Variants in CLEC4M observed in about 807,000 individuals in gnomAD.
CLEC4M encodes the protein C-type lectin domain family 4 member M, also known as CD209 antigen-like protein 1.
In CLEC4M, 25 loss-of-function variants were observed where a neutral mutation model predicts 39.1. The ratio of observed to expected loss-of-function variants is 0.64; its 90% confidence interval spans 0.47 to 0.89. CLEC4M has a LOEUF of 0.89. Ranked by LOEUF, CLEC4M falls within the 40% of genes least tolerant of loss-of-function variation. The pLI is 0.00. For synonymous variants in CLEC4M, 155 were observed against 177.4 expected, an observed-to-expected ratio of 0.87 and a Z score of 1.00; for missense variants, 353 against 431.4, an observed-to-expected ratio of 0.82 and a Z score of 1.61.
At position 7,769,584 on chromosome 19, in the gene CLEC4M, A is replaced by C. The variant is rs915288745; in HGVS notation, c.*596A>C. The C allele has an allele frequency of 6.6e-6, 1 of 152,362 alleles. No individual in the cohort carries two copies. Among genetic ancestry groups the C allele is most frequent in the Non-Finnish European group, 1.5e-5 (1 of 68,176 alleles). 9.4% of individuals were successfully genotyped at this position (152,362 alleles called of 1,614,324 possible). A position where few individuals can be genotyped will look rare whatever the true frequency, so the allele number is the denominator to read the frequency against. On this transcript the variant is annotated 3_prime_UTR_variant, in exon 7 of 7. Transcript: ENST00000327325. ...TTCTGAGTTGTAGCCTTTATAATAA[A>C]GTGGTAAATGTTGTAACTGCAGATC...
intron 2 of CLEC4M, 38 bp downstream of exon 2, chr19:7,763,514 G>T (rs1295147792): frequency 2.6e-6 from 4 of 1,567,134 alleles, no homozygotes; most frequent in Non-Finnish European, 2.6e-6. Context: ...GGAAGACAGA[G>T]CCTCCCAGAC....
intron 3 of CLEC4M, 72 bp downstream of exon 3, chr19:7,765,340 C>T (rs1305563110): frequency 1.3e-6 from 2 of 1,551,058 alleles, no homozygotes; most frequent in Non-Finnish European, 8.9e-7. Flanking sequence ...CCTGGAGTGG[C>T]CAGGTCTGGG....
intron 6 of CLEC4M, 98 bp downstream of exon 6, chr19:7,767,726 C>A: frequency 1.0e-6 from 1 of 987,686 alleles, no homozygotes; most frequent in East Asian, 2.4e-5. Flanking sequence ...CCTCCCTGAC[C>A]CCATAGGACT....
rs377640470 is a variant in CLEC4M, at chr19:7,766,045, C to T, written c.622C>T (p.Leu208=). ...KSKLQEIYQE[L]TELKAAVGEL... is the part of the protein sequence containing the mutation. ...CAAGCTGCAGGAGATCTACCAGGAG[C>T]TGACGGAGCTGAAGGCTGCAGTGGG... is the stretch of plus-strand genomic sequence containing the variant. Residue 208 remains leucine, a synonymous_variant, in exon 4 of 7, where the codon CTG becomes TTG. Transcript: ENST00000327325. The T allele has an allele frequency of 6.8e-6, 10 of 1,478,638 alleles. No individual in the cohort carries two copies. In the African/African-American group the frequency reaches 1.4e-4, roughly 20 times the overall value. The allele number at this position is 1,478,638 out of a possible 1,614,324, so 91.6% of individuals were successfully genotyped here.
Position 7,768,877 on chromosome 19 carries a change from CG to C in CLEC4M, c.1092del (p.Asn365MetfsTer82). 6.2e-7 allele frequency: 1 copy of C among 1,614,082 alleles called. No individual in the cohort carries two copies. The highest frequency in any genetic ancestry group is 8.5e-7 in the Non-Finnish European group (1 of 1,180,000). On this transcript the variant is annotated frameshift_variant, in exon 7 of 7. Coordinates refer to ENST00000327325, the MANE Select transcript of CLEC4M (RefSeq NM_014257.5). LOFTEE classifies it low-confidence loss of function (END_TRUNC). ...YWNSGEPNNS[G>X]NEDCAEFSGS... The stretch of plus-strand genomic sequence containing the variant: ...GGAACAGTGGAGAACCCAACAATAG[CG>C]GGAATGAAGACTGTGCGGAATTTAG...
In CLEC4M at chr19:7,765,744, C is replaced by T; in HGVS notation, c.321C>T (p.Ser107=). The stretch of plus-strand genomic sequence containing the variant: ...CAGTGGGTGAGCTCTCAGAGAAATC[C>T]AAGCTGCAGGAGATCTACCAGGAGC... ...KAAVGELSEK[S]KLQEIYQELT... The change falls in exon 4 of 7, where the codon TCC becomes TCT. Residue 107 remains serine (S), a synonymous_variant. Transcript: ENST00000327325. 1.2e-6 allele frequency: 2 copies of T among 1,613,774 alleles called. No individual in the cohort carries two copies. The highest frequency in any genetic ancestry group is 1.1e-5 in the South Asian group (1 of 91,062).
chr19:7,763,919 A>G (rs1017639700), intron 2 of CLEC4M, among the ~76,000 whole-genome samples: 6 of 147,206 alleles, frequency 4.1e-5, no homozygotes, highest in African/African-American at 1.5e-4. Context: ...GAAGGTGAGA[A>G]CTGGGGCCTG....
chr19:7,766,582 G>C, intron 4 of CLEC4M, 74 bp from the exon 5 acceptor site: 2 of 1,600,072 alleles, frequency 1.2e-6, no homozygotes, highest in Non-Finnish European at 1.7e-6. Context: ...ATTTTCAAGG[G>C]CTTGAAGGCT....
intron 5 of CLEC4M, 73 bp downstream of exon 5, chr19:7,766,880 A>G: frequency 6.2e-7 from 1 of 1,606,140 alleles, no homozygotes; most frequent in Non-Finnish European, 8.5e-7. Flanking sequence ...GTGCTCAGAG[A>G]GGATTTTGCA....
At chr19:7,765,547 C>T (rs748004723) in intron 3 of CLEC4M, 91 bp from the exon 4 acceptor site, 13 of 1,561,902 alleles carry the variant, frequency 8.3e-6, no homozygotes, top group Non-Finnish European at 1.0e-5. Flanking sequence ...GAGACCTTGG[C>T]TCTCACAAAT....
chr19:7,764,653 G>T (rs2335528), intron 2 of CLEC4M, among the ~76,000 whole-genome samples: 96,308 of 151,418 alleles, frequency 0.64, 31,363 homozygotes, highest in Admixed American at 0.7. Flanking sequence ...CACCACGCCC[G>T]GCTAATTTTT....
chr19:7,767,263 A>C (rs1462809755), intron 5 of CLEC4M: 2 of 487,660 alleles, frequency 4.1e-6, no homozygotes, highest in Non-Finnish European at 7.5e-6. Context: ...GTGGACATGC[A>C]AAATAGATAA....
Position 7,767,630 on chromosome 19 carries a change from T to C in CLEC4M, c.1049+2T>C. The stretch of plus-strand genomic sequence containing the variant: ...GGACGGCTCACCTCTGTCACCCAGG[T>C]AGATTCTGGGAGAAAGGGACACTGT... On this transcript the variant is annotated splice_donor_variant, in intron 6 of 6. Coordinates refer to ENST00000327325, the MANE Select transcript of CLEC4M (RefSeq NM_014257.5). LOFTEE classifies it high-confidence loss of function. 6 of 1,611,800 alleles carry C rather than the reference T, an allele frequency of 3.7e-6. No individual in the cohort carries two copies. Among genetic ancestry groups the C allele is most frequent in the Non-Finnish European group, 4.2e-6 (5 of 1,177,894 alleles).
intron 6 of CLEC4M, chr19:7,768,415 A>G (rs970972341): frequency 2.5e-5 from 4 of 157,902 alleles, no homozygotes; most frequent in African/African-American, 7.2e-5. Context: ...CTCTACTACA[A>G]ATACAAAAAT....
In CLEC4M at chr19:7,766,717, G is replaced by A. The variant is rs1298633168; in HGVS notation, c.846G>A (p.Met282Ile). The A allele has an allele frequency of 5.6e-6, 9 of 1,614,116 alleles. No individual in the cohort carries two copies. Among genetic ancestry groups the A allele is most frequent in the Non-Finnish European group, 7.6e-6 (9 of 1,180,054 alleles). ...WTFFQGNCYF[M>I]SNSQRNWHDS... ...TCTTCCAAGGAAACTGTTACTTCAT[G>A]TCTAACTCCCAGCGGAACTGGCACG... The change falls in exon 5 of 7, where the codon ATG becomes ATA. Residue 282 changes from methionine to isoleucine, a missense_variant. This residue lies in a region of CLEC4M where 196 missense variants were observed against 211.7 expected (regional missense o/e 0.93). Transcript: ENST00000327325.
rs1175209162 is a variant in CLEC4M at position 7,763,395 on chromosome 19, G to A, written c.49G>A (p.Glu17Lys). 22 of 1,614,098 alleles carry A rather than the reference G, an allele frequency of 1.4e-5. No individual in the cohort carries two copies. The highest frequency in any genetic ancestry group is 1.9e-5 in the Non-Finnish European group (22 of 1,179,974). ...TGAGCTGATGTCTGTCAATTCAGAA[G>A]AAGATCCAACAACCAGTGGCATCAG... Reference protein sequence around the residue: ...PRVQQLGLLEEDPTTSGIRLF... With the variant: ...PRVQQLGLLEKDPTTSGIRLF... Residue 17 changes from glutamate to lysine, a missense_variant and splice_region_variant, in exon 2 of 7, where the codon GAA becomes AAA. Glu to Lys is a moderately conservative substitution (Grantham distance 56). This residue lies in a region of CLEC4M where 91 missense variants were observed against 77.8 expected (regional missense o/e 1.17). Transcript: ENST00000327325.
In CLEC4M at chr19:7,763,374, C is replaced by T. The variant is rs368282283; in HGVS notation, c.47-19C>T. The stretch of plus-strand genomic sequence containing the variant: ...GGGAAGGGATGGCCCAGGCTCTGAG[C>T]TGATGTCTGTCAATTCAGAAGAAGA... On this transcript the variant is annotated intron_variant, in intron 1 of 6. Transcript: ENST00000327325. 8 of 1,613,126 alleles carry T rather than the reference C, an allele frequency of 5.0e-6. No individual in the cohort carries two copies. Among genetic ancestry groups the T allele is most frequent in the East Asian group, 4.5e-5 (2 of 44,886 alleles).
At chr19:7,768,640 T>A in intron 6 of CLEC4M, 198 bp from the exon 7 acceptor site, 1 of 489,040 alleles carries the variant, frequency 2.0e-6, no homozygotes, top group Non-Finnish European at 3.6e-6. Context: ...TCAGTAGGAG[T>A]CCTCCCAAGG....
At position 7,765,801 on chromosome 19, in the gene CLEC4M, G is replaced by C. The variant is rs755458016; in HGVS notation, c.378G>C (p.Leu126Phe). 1 of 1,610,888 alleles carries C rather than the reference G, an allele frequency of 6.2e-7. No homozygotes were observed. Among genetic ancestry groups the C allele is most frequent in the Non-Finnish European group, 8.5e-7 (1 of 1,178,578 alleles). The part of the protein sequence containing the change: ...LTQLKAAVGE[L>F]PEKSKLQEIY... ...AGCTGAAGGCTGCAGTGGGTGAGTT[G>C]CCAGAGAAATCCAAGCTGCAGGAGA... The change falls in exon 4 of 7, where the codon TTG (leucine) becomes TTC (phenylalanine). Residue 126 changes from leucine (L) to phenylalanine (F), a missense_variant. Physicochemically the swap from Leu to Phe is conservative, Grantham distance 22. This residue lies in a region of CLEC4M where 18 missense variants were observed against 77.1 expected (regional missense o/e 0.23). Transcript: ENST00000327325.
Sources: allele counts gnomAD v4.1 joint callset (sites outside exome capture counted in the v4.1 genomes callset), GRCh38; gene constraint gnomAD v4.1.1; regional missense constraint gnomAD v4.1.1; transcripts MANE v1.5; gene names NCBI Gene and HGNC (gene_info 2026-07-23, HGNC 2026-07-21).